Variants in ZNF365 observed in about 807,000 individuals in gnomAD.
ZNF365 encodes zinc finger protein 365.
Under a neutral mutation model 35.0 loss-of-function variants are expected in ZNF365, and 22 were observed. The ratio of observed to expected loss-of-function variants is 0.63; its 90% CI spans 0.45 to 0.90. ZNF365 has a LOEUF of 0.90. Among genes scored for constraint, ZNF365 ranks in the 40% least tolerant of loss-of-function variants. The pLI is 0.00. For missense variants in ZNF365, 448 were observed against 500.3 expected (o/e 0.90, Z 1.00); for synonymous variants, 188 against 196.2 (o/e 0.96, Z 0.35).
intron 3 of ZNF365, among the ~76,000 whole-genome samples, chr10:62,411,892 A>T (rs1015465968): frequency 6.6e-6 from 1 of 152,132 alleles, no homozygotes. Context: ...TCAAAAAGCT[A>T]GAAAGATCTC....
At chr10:62,443,315 A>G (rs999513798) in intron 3 of ZNF365, among the ~76,000 whole-genome samples, 4 of 152,166 alleles carry the variant, frequency 2.6e-5, no homozygotes, top group Non-Finnish European at 5.9e-5. Context: ...AGAAAACTGG[A>G]GACAAACAGA....
intron 4 of ZNF365, among the ~76,000 whole-genome samples, chr10:62,477,236 G>A (rs1381669254): frequency 6.6e-6 from 1 of 152,120 alleles, no homozygotes; most frequent in East Asian, 1.9e-4. Context: ...ATGAAGCAGT[G>A]GAGAAAGAGA....
At position 62,376,569 on chromosome 10, in the gene ZNF365, G is replaced by A. The variant is rs1429804061; in HGVS notation, c.376G>A (p.Val126Met). The A allele has an allele frequency of 1.2e-6, 2 of 1,613,830 alleles. No individual in the cohort carries two copies. Among genetic ancestry groups the A allele is most frequent in the Non-Finnish European group, 1.7e-6 (2 of 1,180,014 alleles). ...EVVAERPVSY[V>M]QTYTAMDLHA... ...GGTGGCAGAGAGGCCTGTGTCCTAT[G>A]TGCAGACCTACACTGCCATGGACCT... The change falls in exon 2 of 5, where the codon GTG (valine) becomes ATG (methionine). Residue 126 changes from valine to methionine, a missense_variant. This residue lies in a region of ZNF365 where 362 missense variants were observed against 375.7 expected (regional missense o/e 0.96). Coordinates refer to ENST00000395254, the MANE Select transcript of ZNF365 (RefSeq NM_014951.3).
chr10:62,458,834 T>G (rs1430563910), intron 3 of ZNF365, among the ~76,000 whole-genome samples: 2 of 152,194 alleles, frequency 1.3e-5, no homozygotes, highest in Non-Finnish European at 2.9e-5. Flanking sequence ...GATTCTAACC[T>G]CTGGAGGTCA....
intron 3 of ZNF365, among the ~76,000 whole-genome samples, chr10:62,421,407 C>G (rs559832714): frequency 2.0e-4 from 31 of 152,216 alleles, no homozygotes; most frequent in Admixed American, 8.5e-4. Context: ...TTCTCATCAG[C>G]CTTGAGCTGA....
Position 62,398,750 on chromosome 10 carries a change from TCTC to T in ZNF365, c.939_941del (p.Ser314del), listed in dbSNP as rs777051447. 1.9e-6 allele frequency: 3 copies of T among 1,612,668 alleles called. No homozygotes were observed. In the South Asian group the frequency reaches 3.3e-5, roughly 18 times the overall value. ...TTTGTTTTCCTTCAGCTTACAGACA[TCTC>T]CTCAAATAGGAAGCCCAAATGCCTG... On this transcript the variant is annotated inframe_deletion, in exon 4 of 5. Transcript: ENST00000395254.
chr10:62,389,591 A>G (rs543601257), intron 3 of ZNF365, among the ~76,000 whole-genome samples: 1 of 152,312 alleles, frequency 6.6e-6, no homozygotes, highest in African/African-American at 2.4e-5. Context: ...CAGGGTGAAA[A>G]GGCAACATGA....
At chr10:62,425,833 G>A (rs1840242902) in intron 3 of ZNF365, among the ~76,000 whole-genome samples, 1 of 152,128 alleles carries the variant, frequency 6.6e-6, no homozygotes, top group Non-Finnish European at 1.5e-5. Flanking sequence ...GTCTATGAAG[G>A]CAGGGAATAT....
At chr10:62,449,502 T>C (rs1263089707) in intron 3 of ZNF365, among the ~76,000 whole-genome samples, 4 of 152,246 alleles carry the variant, frequency 2.6e-5, no homozygotes, top group African/African-American at 9.6e-5. Context: ...GGAGCAAATA[T>C]GTAAAGATTG....
chr10:62,445,471 AG>A (rs1840571602), intron 3 of ZNF365, among the ~76,000 whole-genome samples: 1 of 152,090 alleles, frequency 6.6e-6, no homozygotes, highest in South Asian at 2.1e-4. Context: ...TGCCATTCTA[AG>A]CAGTCCCCAG....
intron 3 of ZNF365, among the ~76,000 whole-genome samples, chr10:62,414,053 T>A (rs1469640568): frequency 6.6e-6 from 1 of 152,162 alleles, no homozygotes. Flanking sequence ...TCTCAGCCAA[T>A]AAATTATATA....
chr10:62,445,442 T>C (rs568834339), intron 3 of ZNF365, among the ~76,000 whole-genome samples: 1 of 152,078 alleles, frequency 6.6e-6, no homozygotes, highest in African/African-American at 2.4e-5. Flanking sequence ...CACCTGTTGT[T>C]TCCTGACTTT....
chr10:62,378,743 A>G (rs1839378166), intron 2 of ZNF365, among the ~76,000 whole-genome samples: 1 of 152,204 alleles, frequency 6.6e-6, no homozygotes, highest in African/African-American at 2.4e-5. Flanking sequence ...TGAAATTGTG[A>G]CACATACTGT....
At chr10:62,416,035 A>G (rs1184722809) in intron 3 of ZNF365, among the ~76,000 whole-genome samples, 2 of 151,994 alleles carry the variant, frequency 1.3e-5, no homozygotes, top group Non-Finnish European at 2.9e-5. Flanking sequence ...TTCCCCTTCT[A>G]CTCAGAACTG....
intron 3 of ZNF365, among the ~76,000 whole-genome samples, chr10:62,445,884 C>T (rs2393881): frequency 0.24 from 36,098 of 151,898 alleles, 4,846 homozygotes; most frequent in East Asian, 0.35. Flanking sequence ...ACAATTGGAA[C>T]GAGGCAGAGA....
intron 4 of ZNF365, among the ~76,000 whole-genome samples, chr10:62,464,880 G>C (rs1413954227): frequency 6.6e-6 from 1 of 152,242 alleles, no homozygotes; most frequent in African/African-American, 2.4e-5. Context: ...GCCACTACAA[G>C]GATGCCAGCT....
At chr10:62,420,120 TAGTC>T (rs1383952492) in intron 3 of ZNF365, among the ~76,000 whole-genome samples, 2 of 152,186 alleles carry the variant, frequency 1.3e-5, no homozygotes, top group Non-Finnish European at 2.9e-5. Flanking sequence ...AAATCATACT[TAGTC>T]ATTACATATT....
intron 3 of ZNF365, among the ~76,000 whole-genome samples, chr10:62,424,270 TAGG>T (rs1840218248): frequency 6.6e-6 from 1 of 152,172 alleles, no homozygotes; most frequent in African/African-American, 2.4e-5. Flanking sequence ...TTGTAAGTGA[TAGG>T]AGATGAAGAG....
chr10:62,407,024 A>G (rs1383540512), downstream of ZNF365, among the ~76,000 whole-genome samples: 1 of 152,234 alleles, frequency 6.6e-6, no homozygotes, highest in East Asian at 1.9e-4. Flanking sequence ...AAAAACTACA[A>G]CAGTATGGAA....
Sources: allele counts gnomAD v4.1 joint callset (sites outside exome capture counted in the v4.1 genomes callset), GRCh38; gene constraint gnomAD v4.1.1; regional missense constraint gnomAD v4.1.1; transcripts MANE v1.5; gene names NCBI Gene and HGNC (gene_info 2026-07-23, HGNC 2026-07-21).